The following ROBO1 variants were observed in gnomAD, a reference collection of about 807,000 sequenced individuals.
ROBO1 encodes roundabout homolog 1.
Under a neutral mutation model 195.9 loss-of-function variants are expected in ROBO1, and 149 were observed. The observed-to-expected ratio is 0.76, with a 90% CI of 0.67 to 0.87. ROBO1 has a LOEUF of 0.87. Among genes scored for constraint, ROBO1 ranks in the 40% least tolerant of loss-of-function variants. The pLI, the probability that ROBO1 is intolerant of heterozygous loss-of-function variation, is 0.00. For missense variants in ROBO1, 1,933 were observed against 2,068.3 expected (o/e 0.93, Z 1.27); for synonymous variants, 816 against 733.2 (o/e 1.11, Z -1.82).
chr3:78,629,399 G>T (rs1346289489), intron 25 of ROBO1, among the ~76,000 whole-genome samples: 1 of 152,006 alleles, frequency 6.6e-6, no homozygotes, highest in Non-Finnish European at 1.5e-5. Context: ...CTTGGGAAAT[G>T]CATTCAGGCC....
chr3:78,700,922 T>A (rs918345220), intron 8 of ROBO1, among the ~76,000 whole-genome samples: 1 of 151,890 alleles, frequency 6.6e-6, no homozygotes, highest in South Asian at 2.1e-4. Context: ...CGCCACCACA[T>A]CTGTCTAATT....
At chr3:79,628,136 A>T (rs1297552854) in intron 1 of ROBO1, among the ~76,000 whole-genome samples, 1 of 152,230 alleles carries the variant, frequency 6.6e-6, no homozygotes, top group Non-Finnish European at 1.5e-5. Context: ...ATTACTGAGT[A>T]TGTACCCAAA....
At chr3:78,808,734 C>A (rs2084629375) in intron 4 of ROBO1, among the ~76,000 whole-genome samples, 1 of 152,064 alleles carries the variant, frequency 6.6e-6, no homozygotes, top group Admixed American at 6.5e-5. Flanking sequence ...CTGACAAAAA[C>A]AAGCAATGGG....
chr3:79,688,714 A>G (rs1215720629), intron 1 of ROBO1, among the ~76,000 whole-genome samples: 1 of 152,078 alleles, frequency 6.6e-6, no homozygotes, highest in Non-Finnish European at 1.5e-5. Context: ...ATTCAAATCA[A>G]AACTATCGCC....
At chr3:79,636,490 C>A (rs925125835) in intron 1 of ROBO1, among the ~76,000 whole-genome samples, 1 of 152,084 alleles carries the variant, frequency 6.6e-6, no homozygotes, top group African/African-American at 2.4e-5. Context: ...AGATTGCAAT[C>A]CCTAGAGGCT....
chr3:79,277,125 C>A (rs964477175), intron 2 of ROBO1, among the ~76,000 whole-genome samples: 6 of 151,584 alleles, frequency 4.0e-5, no homozygotes, highest in Non-Finnish European at 2.9e-5. Flanking sequence ...AGGTGTATAC[C>A]CAAAAGAAAA....
Position 79,408,164 on chromosome 3 carries a change from G to A in ROBO1, c.88+181660C>T, listed in dbSNP as rs184553876. ...ACCCACGAGGCCGAGGTTGTGGTGA[G>A]CTGAGATCATGCCATTGCACTCCAG... On this transcript the variant is annotated intron_variant, in intron 2 of 30. Transcript: ENST00000464233. Among the ~76,000 whole-genome samples, 369 of 152,040 alleles carry A rather than the reference G, an allele frequency of 2.4e-3. 2 individuals carry two copies. The highest frequency in any genetic ancestry group is 7.6e-3 in the African/African-American group (314 of 41,478).
chr3:79,681,795 A>C (rs1486337123), intron 1 of ROBO1, among the ~76,000 whole-genome samples: 3 of 152,014 alleles, frequency 2.0e-5, no homozygotes, highest in African/African-American at 7.2e-5. Context: ...AGTGTCATTC[A>C]CAGACAACAA....
chr3:79,288,472 C>T (rs1055498000), intron 2 of ROBO1, among the ~76,000 whole-genome samples: 5 of 152,090 alleles, frequency 3.3e-5, no homozygotes, highest in Admixed American at 6.6e-5. Flanking sequence ...TCTAAACTTA[C>T]GATTTCTTTA....
At chr3:79,066,811 G>A (rs569758830) in intron 3 of ROBO1, among the ~76,000 whole-genome samples, 2 of 152,000 alleles carry the variant, frequency 1.3e-5, no homozygotes, top group African/African-American at 4.8e-5. Flanking sequence ...GCCCTAGCAT[G>A]CCTCGAAATC....
chr3:79,528,614 A>C (rs1941529707), intron 2 of ROBO1, among the ~76,000 whole-genome samples: 1 of 152,202 alleles, frequency 6.6e-6, no homozygotes, highest in South Asian at 2.1e-4. Flanking sequence ...GTGTCTGTGC[A>C]ATATTGGAAC....
intron 3 of ROBO1, among the ~76,000 whole-genome samples, chr3:79,052,331 T>G (rs995260080): frequency 6.6e-6 from 1 of 152,080 alleles, no homozygotes; most frequent in African/African-American, 2.4e-5. Context: ...TGGTGAAATT[T>G]TAGTCAGACT....
At chr3:78,661,972 T>C (rs1221077462) in intron 15 of ROBO1, 21 bp downstream of exon 15, 1 of 1,602,112 alleles carries the variant, frequency 6.2e-7, no homozygotes, top group Non-Finnish European at 8.5e-7. Flanking sequence ...AAAACTGAGA[T>C]CAAATATTGT....
chr3:78,985,190 C>T (rs1004066208), intron 3 of ROBO1, among the ~76,000 whole-genome samples: 1 of 151,920 alleles, frequency 6.6e-6, no homozygotes, highest in African/African-American at 2.4e-5. Context: ...GTCCTAATAA[C>T]TCTGGAGGCT....
At chr3:79,518,681 A>C (rs1941060571) in intron 2 of ROBO1, among the ~76,000 whole-genome samples, 2 of 151,794 alleles carry the variant, frequency 1.3e-5, no homozygotes, top group South Asian at 4.2e-4. Flanking sequence ...TTTTATTATT[A>C]TTATTATTAT....
intron 4 of ROBO1, among the ~76,000 whole-genome samples, chr3:78,771,436 A>G (rs1456002720): frequency 2.6e-5 from 4 of 152,174 alleles, no homozygotes; most frequent in Non-Finnish European, 5.9e-5. Flanking sequence ...GTGAAGAATG[A>G]CATTGGTAGT....
intron 3 of ROBO1, among the ~76,000 whole-genome samples, chr3:79,001,463 C>T (rs1028831743): frequency 2.6e-5 from 4 of 151,912 alleles, no homozygotes; most frequent in African/African-American, 9.7e-5. Context: ...ACAGCCAAAC[C>T]GTATCGTGAA....
chr3:79,642,089 A>C (rs1204330522), intron 1 of ROBO1, among the ~76,000 whole-genome samples: 1 of 152,180 alleles, frequency 6.6e-6, no homozygotes, highest in Non-Finnish European at 1.5e-5. Context: ...ATAATAATAA[A>C]AAATCAAACA....
chr3:78,786,581 G>A (rs1026815967), intron 4 of ROBO1, among the ~76,000 whole-genome samples: 14 of 152,070 alleles, frequency 9.2e-5, no homozygotes, highest in South Asian at 4.1e-4. Context: ...GGACCCGGTA[G>A]GAGGTAATTA....
Sources: allele counts gnomAD v4.1 joint callset (sites outside exome capture counted in the v4.1 genomes callset), GRCh38; gene constraint gnomAD v4.1.1; transcripts MANE v1.5; gene names NCBI Gene and HGNC (gene_info 2026-07-23, HGNC 2026-07-21).